Variants in RASGRF1 observed in about 807,000 individuals in gnomAD.
RASGRF1 encodes the protein Ras protein specific guanine nucleotide releasing factor 1.
Under a neutral mutation model 138.7 loss-of-function variants are expected in RASGRF1, and 40 were observed. The ratio of observed to expected loss-of-function variants is 0.29; its 90% CI spans 0.22 to 0.38. The LOEUF (loss-of-function observed/expected upper bound fraction) is 0.38. Ranked by LOEUF, RASGRF1 falls within the 10% of genes least tolerant of loss-of-function variation. RASGRF1 has a pLI of 1.00. For synonymous variants in RASGRF1, 614 were observed against 663.2 expected, an observed-to-expected ratio of 0.93 and a Z score of 1.14; for missense variants, 1,108 against 1,650.4, an observed-to-expected ratio of 0.67 and a Z score of 5.69.
Position 79,025,317 on chromosome 15 carries a change from G to A in RASGRF1, c.1539C>T (p.Thr513=), listed in dbSNP as rs145157601. The A allele has an allele frequency of 2.5e-6, 4 of 1,607,558 alleles. No homozygotes were observed. The highest frequency in any genetic ancestry group is 1.3e-5 in the African/African-American group (1 of 74,854). The part of the protein sequence containing the change: ...TRGSGGKLHL[T]KNGVISLIDC... ...GCCCCTCTCCCGTAGCCCTTACCTT[G>A]GTCAAGTGAAGCTTCCCTCCAGAGC... Residue 513 remains threonine (T), a synonymous_variant, in exon 10 of 27, where the codon ACC becomes ACT. Transcript: ENST00000558480.
intron 10 of RASGRF1, among the ~76,000 whole-genome samples, chr15:79,024,956 CA>C (rs1314135779): frequency 6.6e-6 from 1 of 151,770 alleles, no homozygotes. Flanking sequence ...CACACAGACA[CA>C]AAAACACCAC....
chr15:79,076,303 G>A (rs2057832789), intron 1 of RASGRF1, among the ~76,000 whole-genome samples: 2 of 152,152 alleles, frequency 1.3e-5, no homozygotes, highest in South Asian at 2.1e-4. Context: ...GGGGAGGGGA[G>A]GGGAGGGGAG....
At chr15:79,040,333 T>G (rs1255429115) in intron 5 of RASGRF1, among the ~76,000 whole-genome samples, 1 of 152,188 alleles carries the variant, frequency 6.6e-6, no homozygotes, top group Non-Finnish European at 1.5e-5. Context: ...CCTAGACTGT[T>G]GTCAGTGGGC....
Position 79,064,714 on chromosome 15 carries a change from AT to A in RASGRF1, c.277-189del, listed in dbSNP as rs2057653674. Reference sequence around the variant, plus strand: ...AGTTCTCGATTAAAAGGGCTTTTGTATCGTGTAACAGAGCCTATGCTTAGGA... The same window carrying A: ...AGTTCTCGATTAAAAGGGCTTTTGTACGTGTAACAGAGCCTATGCTTAGGA... On this transcript the variant is annotated intron_variant, in intron 1 of 26. Transcript: ENST00000558480. 3 of 611,998 alleles carry A rather than the reference AT, an allele frequency of 4.9e-6. No individual in the cohort carries two copies. The East Asian group carries it at 8.4e-5, about 17-fold the overall frequency. 37.9% of individuals were successfully genotyped at this position (611,998 alleles called of 1,614,324 possible). A position where few individuals can be genotyped will look rare whatever the true frequency, so the allele number is the denominator to read the frequency against.
intron 12 of RASGRF1, among the ~76,000 whole-genome samples, chr15:79,017,536 G>A (rs933961516): frequency 4.6e-5 from 7 of 152,318 alleles, no homozygotes; most frequent in South Asian, 2.1e-4. Flanking sequence ...TGATACAGAT[G>A]CAAGAGGGGT....
At chr15:79,020,366 A>C (rs1321488648) in intron 10 of RASGRF1, among the ~76,000 whole-genome samples, 2 of 152,252 alleles carry the variant, frequency 1.3e-5, no homozygotes, top group African/African-American at 4.8e-5. Context: ...AGTTCTGGCC[A>C]TGGGTGGAGC....
At chr15:79,005,411 G>C (rs1409415963) in intron 14 of RASGRF1, 3 of 985,172 alleles carry the variant, frequency 3.0e-6, no homozygotes, top group Non-Finnish European at 3.6e-6. Context: ...CACTCAGAGA[G>C]CCTCTGAGCC....
intron 23 of RASGRF1, among the ~76,000 whole-genome samples, chr15:78,981,892 G>A (rs1398252200): frequency 6.6e-6 from 1 of 152,192 alleles, no homozygotes; most frequent in Admixed American, 6.5e-5. Context: ...GGATGCCCTG[G>A]CCCACCTCCG....
chr15:78,998,763 G>A lies in RASGRF1; in HGVS notation c.2809C>T (p.Arg937Cys), dbSNP rs1261277667. 4 of 1,614,164 alleles carry A rather than the reference G, an allele frequency of 2.5e-6. No homozygotes were observed. The highest frequency in any genetic ancestry group is 3.4e-6 in the Non-Finnish European group (4 of 1,180,006). Residue 937 changes from arginine (R) to cysteine (C), a missense_variant, in exon 18 of 27, where the codon CGT becomes TGT. Arg to Cys is a radical substitution (Grantham distance 180). Coordinates refer to ENST00000558480, the MANE Select transcript of RASGRF1 (RefSeq NM_001145648.3). ...EFVIRRAATN[R>C]VLNVLRHWVS... is the part of the protein sequence containing the mutation. ...CAGTGGCGGAGCACGTTCAAGACACGATTGGTGGCTGCTCTGCGGATCACA... is the reference window on the plus strand; with the variant it reads ...CAGTGGCGGAGCACGTTCAAGACACAATTGGTGGCTGCTCTGCGGATCACA...
At chr15:79,003,776 G>C (rs575438169) in intron 15 of RASGRF1, 26 bp downstream of exon 15, 1 of 1,557,540 alleles carries the variant, frequency 6.4e-7, no homozygotes, top group East Asian at 2.3e-5. Context: ...AGGCTGGGGG[G>C]CAGCTCCGAC....
At chr15:79,004,884 C>A in intron 14 of RASGRF1, 3 of 982,248 alleles carry the variant, frequency 3.1e-6, no homozygotes, top group Non-Finnish European at 3.6e-6. Context: ...CACTCTTATT[C>A]CTACAGGATA....
At chr15:79,052,373 G>C (rs751871834) in intron 3 of RASGRF1, among the ~76,000 whole-genome samples, 1 of 152,204 alleles carries the variant, frequency 6.6e-6, no homozygotes, top group Non-Finnish European at 1.5e-5. Context: ...TGCATTGCTT[G>C]CTTTTCAAGC....
chr15:78,973,577 G>A lies in RASGRF1; in HGVS notation c.3495-157C>T, dbSNP rs889741992. Among the ~76,000 whole-genome samples the A allele has an allele frequency of 1.3e-5, 2 of 152,092 alleles. No homozygotes were observed. The highest frequency in any genetic ancestry group is 1.9e-4 in the East Asian group (1 of 5,190). On this transcript the variant is annotated intron_variant, in intron 24 of 26. Transcript: ENST00000558480. This position sits in a 1 kb window ranked among gnomAD's most constrained non-coding sequence, Gnocchi z 4.9. Reference sequence around the variant, plus strand: ...CACTCTAGAACTGACTATTCTACACGCCCAGGACTGTCGGCTGGGTCTCAG... The same window carrying A: ...CACTCTAGAACTGACTATTCTACACACCCAGGACTGTCGGCTGGGTCTCAG...
At chr15:79,039,077 G>C (rs2057260384) in intron 5 of RASGRF1, among the ~76,000 whole-genome samples, 1 of 151,954 alleles carries the variant, frequency 6.6e-6, no homozygotes, top group African/African-American at 2.4e-5. Flanking sequence ...TCAGCACTTT[G>C]GGAGGCTGAG....
chr15:79,063,017 TC>T (rs2057629259), intron 2 of RASGRF1, among the ~76,000 whole-genome samples: 1 of 152,118 alleles, frequency 6.6e-6, no homozygotes, highest in African/African-American at 2.4e-5. Flanking sequence ...TGACTCCCAA[TC>T]CCCTTACTCA....
At chr15:79,037,579 C>T (rs957407254) in intron 5 of RASGRF1, among the ~76,000 whole-genome samples, 1 of 151,894 alleles carries the variant, frequency 6.6e-6, no homozygotes, top group African/African-American at 2.4e-5. Context: ...CTGACTCAGC[C>T]TCCTGAGTGG....
intron 15 of RASGRF1, among the ~76,000 whole-genome samples, chr15:79,003,519 G>A (rs1329824425): frequency 1.3e-5 from 2 of 152,252 alleles, no homozygotes; most frequent in African/African-American, 2.4e-5. Flanking sequence ...CAGGGCAGAG[G>A]GATGCCTAAA....
At chr15:79,023,874 C>T (rs2057001740) in intron 10 of RASGRF1, among the ~76,000 whole-genome samples, 1 of 152,016 alleles carries the variant, frequency 6.6e-6, no homozygotes, top group African/African-American at 2.4e-5. Flanking sequence ...TGGCCCTCAG[C>T]CAGTGGAGGC....
intron 5 of RASGRF1, among the ~76,000 whole-genome samples, chr15:79,045,254 G>A (rs530460151): frequency 1.3e-5 from 2 of 152,246 alleles, no homozygotes; most frequent in South Asian, 4.1e-4. Flanking sequence ...CCTACAGATG[G>A]GCTTGTGTTT....
Sources: allele counts gnomAD v4.1 joint callset (sites outside exome capture counted in the v4.1 genomes callset), GRCh38; gene constraint gnomAD v4.1.1; non-coding constraint Gnocchi (gnomAD v3.1); transcripts MANE v1.5; gene names NCBI Gene and HGNC (gene_info 2026-07-23, HGNC 2026-07-21).